The following KCNQ3 variants were observed in gnomAD, a reference collection of about 807,000 sequenced individuals.
The protein encoded by KCNQ3 is potassium voltage-gated channel subfamily Q member 3, also known as potassium voltage-gated channel subfamily KQT member 3.
In KCNQ3, 30 loss-of-function variants were observed where a neutral mutation model predicts 92.5. That is an observed-to-expected ratio of 0.32 (90% confidence interval 0.24 to 0.44). The LOEUF (loss-of-function observed/expected upper bound fraction) is 0.44. Ranked by LOEUF, KCNQ3 falls within the 20% of genes least tolerant of loss-of-function variation. The pLI is 1.00. For missense variants in KCNQ3, 913 were observed against 1,140.3 expected (o/e 0.80, Z 2.87); for synonymous variants, 450 against 468.8 (o/e 0.96, Z 0.52).
At chr8:132,354,601 A>G (rs1212498707) in intron 1 of KCNQ3, among the ~76,000 whole-genome samples, 1 of 152,182 alleles carries the variant, frequency 6.6e-6, no homozygotes, top group East Asian at 1.9e-4. Flanking sequence ...CTCAGAGGAC[A>G]CTTCCCACCT....
rs555732969 is a variant in KCNQ3 at position 132,130,003 on chromosome 8, A to G, written c.1885-7T>C. ...TCTTCCCCATGTCCTGAACCTGGAA[A>G]ATCAAAGGAGCTGTGAATTACCACT... On this transcript the variant is annotated splice_polypyrimidine_tract_variant and splice_region_variant and intron_variant, in intron 14 of 14. Transcript: ENST00000388996. 8 of 1,612,792 alleles carry G rather than the reference A, an allele frequency of 5.0e-6. No individual in the cohort carries two copies. Among genetic ancestry groups the G allele is most frequent in the African/African-American group, 2.7e-5 (2 of 74,942 alleles).
chr8:132,267,479 C>T (rs1329336976), intron 1 of KCNQ3, among the ~76,000 whole-genome samples: 1 of 152,186 alleles, frequency 6.6e-6, no homozygotes, highest in Non-Finnish European at 1.5e-5. Context: ...TTAATCTTCT[C>T]AAACCAACAC....
chr8:132,398,092 C>T (rs1820239655), intron 1 of KCNQ3, among the ~76,000 whole-genome samples: 1 of 152,192 alleles, frequency 6.6e-6, no homozygotes, highest in South Asian at 2.1e-4. Context: ...AGAGAAACAA[C>T]AAATTCCATC....
chr8:132,245,045 AC>A (rs1815121285), intron 1 of KCNQ3, among the ~76,000 whole-genome samples: 1 of 151,950 alleles, frequency 6.6e-6, no homozygotes, highest in African/African-American at 2.4e-5. Context: ...CAATATACAT[AC>A]CTTTTTTTAG....
intron 1 of KCNQ3, among the ~76,000 whole-genome samples, chr8:132,465,797 G>C (rs1463666279): frequency 6.6e-6 from 1 of 151,958 alleles, no homozygotes; most frequent in African/African-American, 2.4e-5. Flanking sequence ...TGTGGTCTCA[G>C]CTACTTGGGA....
At chr8:132,172,221 T>G (rs1826390821) in intron 7 of KCNQ3, among the ~76,000 whole-genome samples, 1 of 152,040 alleles carries the variant, frequency 6.6e-6, no homozygotes, top group Admixed American at 6.6e-5. Context: ...GCTGATAGGT[T>G]GGTCCTTGAG....
intron 1 of KCNQ3, among the ~76,000 whole-genome samples, chr8:132,303,677 T>TATATACAC (rs376933089): frequency 5.6e-4 from 48 of 86,000 alleles, no homozygotes; most frequent in African/African-American, 1.9e-3. Flanking sequence ...TATATATATA[T>TATATACAC]ACACACACAC....
At chr8:132,424,552 C>T (rs768106110) in intron 1 of KCNQ3, among the ~76,000 whole-genome samples, 2 of 152,210 alleles carry the variant, frequency 1.3e-5, no homozygotes, top group Non-Finnish European at 2.9e-5. Context: ...CTTCCTGCCT[C>T]ATCAGGAGAA....
chr8:132,388,280 G>C (rs570335680), intron 1 of KCNQ3, among the ~76,000 whole-genome samples: 1 of 152,164 alleles, frequency 6.6e-6, no homozygotes, highest in African/African-American at 2.4e-5. Flanking sequence ...AAGCAATTTG[G>C]TAATAAGTTT....
chr8:132,223,302 C>T (rs1489883491), intron 1 of KCNQ3, among the ~76,000 whole-genome samples: 1 of 152,160 alleles, frequency 6.6e-6, no homozygotes, highest in Non-Finnish European at 1.5e-5. Context: ...GAAGCACAGT[C>T]CTCCTCCTCA....
At chr8:132,363,642 G>C (rs1201839964) in intron 1 of KCNQ3, among the ~76,000 whole-genome samples, 1 of 151,992 alleles carries the variant, frequency 6.6e-6, no homozygotes, top group Admixed American at 6.6e-5. Flanking sequence ...TGATTCTGTA[G>C]TACGCTGTCA....
intron 1 of KCNQ3, among the ~76,000 whole-genome samples, chr8:132,402,717 T>C (rs775608389): frequency 6.6e-6 from 1 of 152,048 alleles, no homozygotes; most frequent in Non-Finnish European, 1.5e-5. Context: ...TTATGAACTT[T>C]AGTAAATAAT....
At chr8:132,174,917 C>G (rs528109168) in intron 5 of KCNQ3, among the ~76,000 whole-genome samples, 5 of 152,330 alleles carry the variant, frequency 3.3e-5, no homozygotes, top group Non-Finnish European at 7.3e-5. Context: ...GGCTGAAAGA[C>G]CTTGAAGTTA....
intron 1 of KCNQ3, among the ~76,000 whole-genome samples, chr8:132,212,425 T>G (rs758866684): frequency 6.6e-6 from 1 of 152,074 alleles, no homozygotes; most frequent in Non-Finnish European, 1.5e-5. Context: ...TCTTCAAGCA[T>G]TGGGAGGCAG....
intron 9 of KCNQ3, among the ~76,000 whole-genome samples, chr8:132,161,535 G>C (rs950593017): frequency 1.3e-5 from 2 of 152,046 alleles, no homozygotes; most frequent in Non-Finnish European, 2.9e-5. Context: ...GGAAGGCTGA[G>C]GCGGGAGAAT....
chr8:132,322,467 C>T (rs1233401706), intron 1 of KCNQ3, among the ~76,000 whole-genome samples: 1 of 152,132 alleles, frequency 6.6e-6, no homozygotes, highest in African/African-American at 2.4e-5. Flanking sequence ...TCCTCTCCAC[C>T]CCACACCTCC....
At chr8:132,371,735 T>C (rs1819478423) in intron 1 of KCNQ3, among the ~76,000 whole-genome samples, 1 of 152,184 alleles carries the variant, frequency 6.6e-6, no homozygotes, top group Admixed American at 6.5e-5. Flanking sequence ...TTTATCCCTT[T>C]AAGAGTCAAG....
At chr8:132,322,111 A>T (rs1198518857) in intron 1 of KCNQ3, among the ~76,000 whole-genome samples, 1 of 152,180 alleles carries the variant, frequency 6.6e-6, no homozygotes, top group Non-Finnish European at 1.5e-5. Flanking sequence ...AAGTCATATG[A>T]CGGGTAGTGG....
intron 9 of KCNQ3, among the ~76,000 whole-genome samples, chr8:132,141,533 C>T (rs1825297234): frequency 6.6e-6 from 1 of 152,124 alleles, no homozygotes; most frequent in Non-Finnish European, 1.5e-5. Context: ...GCTCTTATAC[C>T]CTGGGCAAGA....
Sources: gnomAD v4.1 joint callset for allele counts (sites outside exome capture counted in the v4.1 genomes callset) on GRCh38, gnomAD v4.1.1 for gene constraint, MANE v1.5 for transcripts, NCBI Gene and HGNC (gene_info 2026-07-23, HGNC 2026-07-21) for gene names.